The following DOCK2 variants were observed in gnomAD, a reference collection of about 807,000 sequenced individuals.
DOCK2 encodes dedicator of cytokinesis protein 2.
In DOCK2, 87 loss-of-function variants were observed where a neutral mutation model predicts 248.9. The ratio of observed to expected loss-of-function variants is 0.35; its 90% CI spans 0.29 to 0.42. DOCK2 has a LOEUF of 0.42. Among genes scored for constraint, DOCK2 ranks in the 10% least tolerant of loss-of-function variants. The pLI is 1.00. For synonymous variants in DOCK2, 805 were observed against 821.6 expected, an observed-to-expected ratio of 0.98 and a Z score of 0.35; for missense variants, 1,747 against 2,300.2, an observed-to-expected ratio of 0.76 and a Z score of 4.92.
At chr5:169,845,794 G>A (rs574929706) in intron 27 of DOCK2, among the ~76,000 whole-genome samples, 1 of 152,294 alleles carries the variant, frequency 6.6e-6, no homozygotes, top group South Asian at 2.1e-4. Context: ...GCTGAGAGGG[G>A]AGAGCCAGAG....
chr5:169,903,537 AG>A (rs1243526825), intron 27 of DOCK2, among the ~76,000 whole-genome samples: 1 of 84,362 alleles, frequency 1.2e-5, no homozygotes, highest in East Asian at 3.2e-4. Flanking sequence ...GCCGGGGGGC[AG>A]GGGGCGTTCG....
At chr5:169,804,700 T>G (rs1038361289) in intron 26 of DOCK2, among the ~76,000 whole-genome samples, 18 of 152,136 alleles carry the variant, frequency 1.2e-4, no homozygotes, top group African/African-American at 4.1e-4. Flanking sequence ...AAACCTGAAA[T>G]TCATAGACTT....
At chr5:169,924,570 A>C (rs1775338094) in intron 27 of DOCK2, among the ~76,000 whole-genome samples, 1 of 152,108 alleles carries the variant, frequency 6.6e-6, no homozygotes, top group Non-Finnish European at 1.5e-5. Flanking sequence ...CTCACTGAAC[A>C]CCCATCTCAT....
At chr5:170,061,128 CACTT>C (rs1757313799) in intron 44 of DOCK2, among the ~76,000 whole-genome samples, 2 of 152,180 alleles carry the variant, frequency 1.3e-5, no homozygotes, top group African/African-American at 4.8e-5. Context: ...CATCCACACA[CACTT>C]TTACATTTTT....
At chr5:169,770,913 A>G (rs907708004) in intron 25 of DOCK2, among the ~76,000 whole-genome samples, 1 of 152,212 alleles carries the variant, frequency 6.6e-6, no homozygotes, top group African/African-American at 2.4e-5. Flanking sequence ...TGCTGCTAAG[A>G]ACATTCTTGT....
chr5:169,740,362 A>C (rs1384354314), intron 22 of DOCK2, among the ~76,000 whole-genome samples: 1 of 151,356 alleles, frequency 6.6e-6, no homozygotes, highest in Non-Finnish European at 1.5e-5. Flanking sequence ...ATTAATTTTT[A>C]TGTGTTCATT....
chr5:169,854,421 G>A (rs886723827), intron 27 of DOCK2, among the ~76,000 whole-genome samples: 1 of 151,860 alleles, frequency 6.6e-6, no homozygotes, highest in Non-Finnish European at 1.5e-5. Context: ...CTGACCTCAA[G>A]TAATCTGCCT....
intron 27 of DOCK2, among the ~76,000 whole-genome samples, chr5:169,896,807 G>T (rs564198708): frequency 1.3e-5 from 2 of 152,184 alleles, no homozygotes; most frequent in Non-Finnish European, 2.9e-5. Context: ...GATTGATAAT[G>T]TAGAAGAGGA....
chr5:169,708,281 A>G lies in DOCK2; in HGVS notation c.1482+14A>G. The G allele has an allele frequency of 6.2e-7, 1 of 1,610,244 alleles. No individual in the cohort carries two copies. The highest frequency in any genetic ancestry group is 8.5e-7 in the Non-Finnish European group (1 of 1,177,590). Reference sequence around the variant, plus strand: ...GAAACAGTCAAGGTAATAATTAATAATAGCAGCAAACACATGTCTAGTTCT... The same window carrying G: ...GAAACAGTCAAGGTAATAATTAATAGTAGCAGCAAACACATGTCTAGTTCT... On this transcript the variant is annotated intron_variant, in intron 15 of 51. Transcript: ENST00000520908.
At chr5:169,992,775 T>TA (rs11391142) in intron 29 of DOCK2, among the ~76,000 whole-genome samples, 52,205 of 150,034 alleles carry the variant, frequency 0.35, 9,564 homozygotes, top group Middle Eastern at 0.45. Flanking sequence ...TTACTGTTTT[T>TA]AAAAAAAAAA....
At chr5:169,804,439 TG>T (rs1767186644) in intron 26 of DOCK2, among the ~76,000 whole-genome samples, 1 of 19,884 alleles carries the variant, frequency 5.0e-5, no homozygotes, top group Admixed American at 9.2e-4. Context: ...AGCTACAAAG[TG>T]TGTGTGTGTG....
intron 22 of DOCK2, among the ~76,000 whole-genome samples, chr5:169,732,043 C>T (rs921962274): frequency 1.4e-4 from 21 of 152,226 alleles, no homozygotes; most frequent in Admixed American, 3.9e-4. Context: ...CACTTCAACC[C>T]GGGAGGCAGA....
intron 27 of DOCK2, among the ~76,000 whole-genome samples, chr5:169,981,468 ATC>A (rs1442003833): frequency 6.6e-6 from 1 of 152,166 alleles, no homozygotes; most frequent in African/African-American, 2.4e-5. Flanking sequence ...CTCACTTCGT[ATC>A]TCTGCATCAC....
rs148896318 is a variant in DOCK2 at position 169,851,784 on chromosome 5, G to A, written c.2799+10932G>A. ...TGGCAGGAGAGAGGGAGAGAGAGAA[G>A]GGGGAAGAGCCCCTTTATAAAACCA... On this transcript the variant is annotated intron_variant, in intron 27 of 51. Coordinates refer to ENST00000520908, the MANE Select transcript of DOCK2 (RefSeq NM_004946.3). Among the ~76,000 whole-genome samples, 677 of 152,218 alleles carry A rather than the reference G, an allele frequency of 4.4e-3. 8 individuals carry two copies. The highest frequency in any genetic ancestry group is 0.015 in the African/African-American group (641 of 41,524).
chr5:169,831,129 T>C (rs948667654), intron 26 of DOCK2, among the ~76,000 whole-genome samples: 1 of 152,044 alleles, frequency 6.6e-6, no homozygotes, highest in African/African-American at 2.4e-5. Context: ...CTCACATCTG[T>C]CCCTCCTCCC....
intron 27 of DOCK2, among the ~76,000 whole-genome samples, chr5:169,912,479 A>G (rs374092599): frequency 1.3e-5 from 2 of 152,156 alleles, no homozygotes; most frequent in Non-Finnish European, 2.9e-5. Context: ...GTGTGTGCAC[A>G]TATGTGTTTT....
intron 1 of DOCK2, among the ~76,000 whole-genome samples, chr5:169,642,426 G>A (rs1757201849): frequency 1.3e-5 from 2 of 152,152 alleles, no homozygotes; most frequent in Non-Finnish European, 2.9e-5. Flanking sequence ...GTTTTAATAT[G>A]AGTGAGAATA....
chr5:170,027,239 C>G (rs1417495992), intron 33 of DOCK2, among the ~76,000 whole-genome samples: 1 of 152,008 alleles, frequency 6.6e-6, no homozygotes, highest in African/African-American at 2.4e-5. Context: ...AATTCTGGGA[C>G]CTGGGCAATG....
At chr5:169,983,830 A>G (rs1483825098) in intron 28 of DOCK2, among the ~76,000 whole-genome samples, 2 of 152,152 alleles carry the variant, frequency 1.3e-5, no homozygotes, top group Admixed American at 6.5e-5. Context: ...AATTGGATCA[A>G]CCTCAGAGAG....
Sources: allele counts gnomAD v4.1 joint callset (sites outside exome capture counted in the v4.1 genomes callset), GRCh38; gene constraint gnomAD v4.1.1; transcripts MANE v1.5; gene names NCBI Gene and HGNC (gene_info 2026-07-23, HGNC 2026-07-21).